The following MAP3K4 variants were observed in gnomAD, a reference collection of about 807,000 sequenced individuals.
The protein encoded by MAP3K4 is mitogen-activated protein kinase kinase kinase 4.
Under a neutral mutation model 185.6 loss-of-function variants are expected in MAP3K4, and 67 were observed. That is an observed-to-expected ratio of 0.36 (90% CI 0.30 to 0.44). The LOEUF (loss-of-function observed/expected upper bound fraction) is 0.44. MAP3K4 is among the 20% of genes least tolerant of loss of function. The pLI is 1.00. For synonymous variants in MAP3K4, 702 were observed against 710.4 expected (o/e 0.99, Z 0.19); for missense variants, 1,551 against 1,995.1 (o/e 0.78, Z 4.24).
chr6:161,034,569 T>C lies in MAP3K4; in HGVS notation c.343+120T>C. ...TTTGATTTTAATGCTCCTGTAAAGT[T>C]CAATTTTTTTTTGAATTATTACCAT... is the stretch of plus-strand genomic sequence containing the variant. On this transcript the variant is annotated intron_variant, in intron 2 of 26. Coordinates refer to ENST00000392142, the MANE Select transcript of MAP3K4 (RefSeq NM_005922.4). The surrounding 1 kb of genome is among the most constrained non-coding windows in gnomAD (Gnocchi z 4.4). 1.4e-6 allele frequency: 1 copy of C among 708,928 alleles called. No individual in the cohort carries two copies. The highest frequency in any genetic ancestry group is 2.0e-6 in the Non-Finnish European group (1 of 506,194). 43.9% of individuals were successfully genotyped at this position (708,928 alleles called of 1,614,324 possible). A position where few individuals can be genotyped will look rare whatever the true frequency, so the allele number is the denominator to read the frequency against.
At chr6:161,026,697 CTCATT>C (rs1311418993) in intron 1 of MAP3K4, among the ~76,000 whole-genome samples, 2 of 144,598 alleles carry the variant, frequency 1.4e-5, no homozygotes, top group Non-Finnish European at 3.0e-5. Flanking sequence ...TGTAATGGGA[CTCATT>C]TATATTGGAA....
At chr6:161,083,537 C>T (rs1353246919) in intron 6 of MAP3K4, among the ~76,000 whole-genome samples, 1 of 152,202 alleles carries the variant, frequency 6.6e-6, no homozygotes, top group African/African-American at 2.4e-5. Context: ...CATCCATTGC[C>T]CTCCACAGCA....
chr6:161,060,607 GTTTTC>G (rs1784440469), intron 3 of MAP3K4, among the ~76,000 whole-genome samples: 1 of 138,312 alleles, frequency 7.2e-6, no homozygotes, highest in South Asian at 2.3e-4. Context: ...GATATGTTTT[GTTTTC>G]TTTTTCTTTT....
chr6:161,024,724 A>C lies in MAP3K4; in HGVS notation c.153-9535A>C, dbSNP rs369502681. On this transcript the variant is annotated intron_variant, in intron 1 of 26. Transcript: ENST00000392142. Reference sequence around the variant, plus strand: ...TATCATATCAGGGGCACGTGCTGTCAACATGGCTTACCACTGATATGTTAA... The same window carrying C: ...TATCATATCAGGGGCACGTGCTGTCCACATGGCTTACCACTGATATGTTAA... 3.9e-5 allele frequency among the ~76,000 whole-genome samples: 6 copies of C among 152,266 alleles called. No individual in the cohort carries two copies. In the East Asian group the frequency reaches 7.7e-4, roughly 20 times the overall value.
intron 7 of MAP3K4, among the ~76,000 whole-genome samples, chr6:161,085,086 C>T (rs923722710): frequency 6.6e-6 from 1 of 151,038 alleles, no homozygotes; most frequent in South Asian, 2.1e-4. Context: ...GCAGAGGTTG[C>T]AGTGAGCCAA....
intron 15 of MAP3K4, among the ~76,000 whole-genome samples, chr6:161,095,764 AG>A (rs1201200500): frequency 2.0e-5 from 3 of 152,194 alleles, no homozygotes; most frequent in Non-Finnish European, 2.9e-5. Context: ...CTCTATAATC[AG>A]TGTTTACCAG....
rs936946785 is a variant in MAP3K4, at chr6:161,117,111, C to T, written c.*241C>T. The T allele has an allele frequency of 1.9e-5, 10 of 523,284 alleles. No homozygotes were observed. In the Admixed American group the frequency reaches 2.1e-4, roughly 11 times the overall value. The allele number at this position is 523,284 out of a possible 1,614,324, so 32.4% of individuals were successfully genotyped here. A position where few individuals can be genotyped will look rare whatever the true frequency, so the allele number is the denominator to read the frequency against. On this transcript the variant is annotated 3_prime_UTR_variant, in exon 27 of 27. Transcript: ENST00000392142. ...TGTTAAGTGCCATTACTACTGTACA[C>T]GGACCATCGCCTCTGTCTCCTCCGT...
At chr6:161,005,359 C>T (rs952993798) in intron 1 of MAP3K4, among the ~76,000 whole-genome samples, 14 of 151,970 alleles carry the variant, frequency 9.2e-5, no homozygotes, top group Non-Finnish European at 1.5e-4. Flanking sequence ...AGACTGGTCT[C>T]GAACTCCTGG....
Position 161,106,200 on chromosome 6 carries a change from C to CA in MAP3K4, c.3857-312dup, listed in dbSNP as rs1167961442. On this transcript the variant is annotated intron_variant, in intron 19 of 26. Coordinates refer to ENST00000392142, the MANE Select transcript of MAP3K4 (RefSeq NM_005922.4). This position sits in a 1 kb window ranked among gnomAD's most constrained non-coding sequence, Gnocchi z 4.9. Reference sequence around the variant, plus strand: ...TTTTATGTTTTAATAATATGGCAAACAAGAGTGTGGAATGGAGAGAGGAGA... The same window carrying CA: ...TTTTATGTTTTAATAATATGGCAAACAAAGAGTGTGGAATGGAGAGAGGAGA... Among the ~76,000 whole-genome samples the CA allele has an allele frequency of 4.6e-5, 7 of 151,948 alleles. No individual in the cohort carries two copies. The highest frequency in any genetic ancestry group is 1.7e-4 in the African/African-American group (7 of 41,346).
intron 25 of MAP3K4, among the ~76,000 whole-genome samples, chr6:161,113,207 G>A (rs929157578): frequency 1.3e-5 from 2 of 152,128 alleles, no homozygotes; most frequent in Non-Finnish European, 2.9e-5. Flanking sequence ...GAAACACCCT[G>A]TCGAGCCACA....
chr6:161,115,940 A>G lies in MAP3K4; in HGVS notation c.4806+638A>G, dbSNP rs1270064568. Reference sequence around the variant, plus strand: ...AACATGAAGGAGTTTCCATTTTATTATAAACATAAATGATGACATAGAGTT... The same window carrying G: ...AACATGAAGGAGTTTCCATTTTATTGTAAACATAAATGATGACATAGAGTT... On this transcript the variant is annotated intron_variant, in intron 26 of 26. Coordinates refer to ENST00000392142, the MANE Select transcript of MAP3K4 (RefSeq NM_005922.4). This position sits in a 1 kb window ranked among gnomAD's most constrained non-coding sequence, Gnocchi z 6.0. 1.3e-5 allele frequency among the ~76,000 whole-genome samples: 2 copies of G among 152,196 alleles called. No homozygotes were observed. Among genetic ancestry groups the G allele is most frequent in the African/African-American group, 2.4e-5 (1 of 41,456 alleles).
rs1025120700 is a variant in MAP3K4, at chr6:161,114,224, G to T, written c.4627-899G>T. 3.0e-4 allele frequency among the ~76,000 whole-genome samples: 46 copies of T among 152,134 alleles called. No homozygotes were observed. The highest frequency in any genetic ancestry group is 1.0e-3 in the African/African-American group (42 of 41,410). On this transcript the variant is annotated intron_variant, in intron 25 of 26. Transcript: ENST00000392142. The surrounding 1 kb of genome is among the most constrained non-coding windows in gnomAD (Gnocchi z 4.3). ...TAGCACTTAAACCAAGAAGTTTTCT[G>T]CTTCTGAAAATGTATCTTATGATGA...
rs1778574215 is a variant in MAP3K4 at position 161,115,961 on chromosome 6, G to C, written c.4806+659G>C. ...TATTATAAACATAAATGATGACATA[G>C]AGTTTTAGAAAGATCACTCTAGAGG... On this transcript the variant is annotated intron_variant, in intron 26 of 26. Transcript: ENST00000392142. This position sits in a 1 kb window ranked among gnomAD's most constrained non-coding sequence, Gnocchi z 6.0. Among the ~76,000 whole-genome samples the C allele has an allele frequency of 6.6e-6, 1 of 152,180 alleles. No homozygotes were observed. Among genetic ancestry groups the C allele is most frequent in the Non-Finnish European group, 1.5e-5 (1 of 68,034 alleles).
At chr6:161,105,814 A>G (rs1351273570) in intron 19 of MAP3K4, among the ~76,000 whole-genome samples, 1 of 148,548 alleles carries the variant, frequency 6.7e-6, no homozygotes, top group Non-Finnish European at 1.5e-5. Flanking sequence ...GTGGAGAACC[A>G]TGAACTAAGT....
At chr6:161,060,917 G>A (rs898557995) in intron 3 of MAP3K4, among the ~76,000 whole-genome samples, 2 of 152,142 alleles carry the variant, frequency 1.3e-5, no homozygotes, top group East Asian at 3.9e-4. Context: ...ACCGCGCCCG[G>A]CCACTGAGAA....
At chr6:161,044,723 C>G (rs1783641246) in intron 2 of MAP3K4, among the ~76,000 whole-genome samples, 1 of 152,204 alleles carries the variant, frequency 6.6e-6, no homozygotes, top group Non-Finnish European at 1.5e-5. Flanking sequence ...GCTCATGGTT[C>G]TGTATGCTAT....
At chr6:161,057,361 AT>A (rs1784289442) in intron 3 of MAP3K4, among the ~76,000 whole-genome samples, 1 of 152,188 alleles carries the variant, frequency 6.6e-6, no homozygotes, top group Non-Finnish European at 1.5e-5. Context: ...CATTTTCCAA[AT>A]GCAGAAACCA....
rs1196735958 is a variant in MAP3K4 at position 161,008,848 on chromosome 6, G to C, written c.152+16765G>C. Among the ~76,000 whole-genome samples, 2 of 151,946 alleles carry C rather than the reference G, an allele frequency of 1.3e-5. No homozygotes were observed. The highest frequency in any genetic ancestry group is 2.4e-5 in the African/African-American group (1 of 41,354). On this transcript the variant is annotated intron_variant, in intron 1 of 26. Transcript: ENST00000392142. The surrounding 1 kb of genome is among the most constrained non-coding windows in gnomAD (Gnocchi z 4.1). The stretch of plus-strand genomic sequence containing the variant: ...TGTGAGGTTCATCTATGTTGTTTTG[G>C]TTGATGGTGGTTCTTTCATTCTTGC...
chr6:161,107,046 GCGCGCA>G lies in MAP3K4; in HGVS notation c.4048+343_4048+348del, dbSNP rs754536528. Reference sequence around the variant, plus strand: ...TTTCTCTCTCTCTCTCTACACACGCGCGCGCACACACACACACACACACACACACAC... The same window carrying G: ...TTTCTCTCTCTCTCTCTACACACGCGCACACACACACACACACACACACAC... On this transcript the variant is annotated intron_variant, in intron 20 of 26. Coordinates refer to ENST00000392142, the MANE Select transcript of MAP3K4 (RefSeq NM_005922.4). This position sits in a 1 kb window ranked among gnomAD's most constrained non-coding sequence, Gnocchi z 6.2. 1.4e-4 allele frequency among the ~76,000 whole-genome samples: 15 copies of G among 106,540 alleles called. No homozygotes were observed. Among genetic ancestry groups the G allele is most frequent in the Non-Finnish European group, 2.4e-4 (12 of 50,932 alleles). 69.9% of individuals were successfully genotyped at this position (106,540 alleles called of 152,430 possible).
Sources: gnomAD v4.1 joint callset for allele counts (sites outside exome capture counted in the v4.1 genomes callset) on GRCh38, gnomAD v4.1.1 for gene constraint, Gnocchi (gnomAD v3.1) non-coding constraint, MANE v1.5 for transcripts, NCBI Gene and HGNC (gene_info 2026-07-23, HGNC 2026-07-21) for gene names.